DYSF: variants seen among roughly 807,000 people sequenced by gnomAD.
DYSF encodes the protein dysferlin, also known as dystrophy-associated fer-1-like 1.
Under a neutral mutation model 274.9 loss-of-function variants are expected in DYSF, and 212 were observed. That is an observed-to-expected ratio of 0.77 (90% CI 0.69 to 0.86). The LOEUF (loss-of-function observed/expected upper bound fraction) is 0.86. Among genes scored for constraint, DYSF ranks in the 40% least tolerant of loss-of-function variants. DYSF has a pLI of 0.00. For missense variants in DYSF, 2,666 were observed against 2,783.2 expected (o/e 0.96, Z 0.95); for synonymous variants, 1,091 against 1,078.7 (o/e 1.01, Z -0.22).
intron 41 of DYSF, among the ~76,000 whole-genome samples, chr2:71,630,984 C>G (rs1400522963): frequency 6.6e-6 from 1 of 152,238 alleles, no homozygotes; most frequent in Non-Finnish European, 1.5e-5. Context: ...TCTCCTTGCT[C>G]TCACCGACTA....
upstream of DYSF, among the ~76,000 whole-genome samples, chr2:71,463,039 G>A (rs889245207): frequency 1.2e-4 from 18 of 152,200 alleles, no homozygotes; most frequent in Admixed American, 5.2e-4. Context: ...GTTTCACTGA[G>A]GACCCACCCC....
intron 32 of DYSF, among the ~76,000 whole-genome samples, chr2:71,590,525 C>T (rs1398650668): frequency 9.2e-5 from 14 of 152,166 alleles, no homozygotes; most frequent in Non-Finnish European, 5.9e-5. Context: ...AGCCCCTTGG[C>T]CTTGGCTCTA....
chr2:71,665,651 C>G (rs1262078096), intron 47 of DYSF, among the ~76,000 whole-genome samples: 2 of 152,196 alleles, frequency 1.3e-5, no homozygotes, highest in Non-Finnish European at 1.5e-5. Flanking sequence ...TGGTCTGACT[C>G]TGGTTGGAGT....
intron 24 of DYSF, among the ~76,000 whole-genome samples, chr2:71,565,117 A>G (rs1007994377): frequency 4.1e-4 from 62 of 150,572 alleles, no homozygotes; most frequent in Non-Finnish European, 5.9e-4. Flanking sequence ...ATCTCATTCT[A>G]TTGCCCAGGC....
chr2:71,662,571 T>C (rs780829128), intron 45 of DYSF, among the ~76,000 whole-genome samples: 34 of 150,042 alleles, frequency 2.3e-4, no homozygotes, highest in Non-Finnish European at 4.6e-4. Flanking sequence ...GCATGTGTAT[T>C]TGTGTGTATA....
At chr2:71,550,365 G>A (rs946546361) in intron 17 of DYSF, among the ~76,000 whole-genome samples, 9 of 151,858 alleles carry the variant, frequency 5.9e-5, no homozygotes, top group Non-Finnish European at 1.2e-4. Flanking sequence ...TGTAATTCTC[G>A]AACTCTCCTC....
At chr2:71,510,495 T>A (rs550358662) in intron 4 of DYSF, among the ~76,000 whole-genome samples, 1 of 152,276 alleles carries the variant, frequency 6.6e-6, no homozygotes, top group African/African-American at 2.4e-5. Context: ...TCCTCCTGGG[T>A]CTCCTGGGAT....
chr2:71,685,027 C>T (rs1246151463), intron 55 of DYSF, among the ~76,000 whole-genome samples: 1 of 152,224 alleles, frequency 6.6e-6, no homozygotes, highest in Non-Finnish European at 1.5e-5. Flanking sequence ...CATGCCTAAG[C>T]CCAGCCCCTG....
At chr2:71,518,903 G>A (rs1334964887) in intron 10 of DYSF, among the ~76,000 whole-genome samples, 2 of 151,564 alleles carry the variant, frequency 1.3e-5, no homozygotes, top group East Asian at 3.9e-4. Flanking sequence ...GACCAGTCTG[G>A]CCAACATGGT....
chr2:71,574,308 C>A lies in DYSF; in HGVS notation c.3339C>A (p.Arg1113=). 1 of 1,614,140 alleles carries A rather than the reference C, an allele frequency of 6.2e-7. No homozygotes were observed. Among genetic ancestry groups the A allele is most frequent in the Non-Finnish European group, 8.5e-7 (1 of 1,180,022 alleles). The change falls in exon 30 of 56, where the codon CGC becomes CGA. Residue 1113 remains arginine (R), a synonymous_variant. Coordinates refer to ENST00000410020, the MANE Select transcript of DYSF (RefSeq NM_001130987.2). ...ATGCCTTCCGCCGCCGCCGCTGGCG[C>A]CGTCGCATGGAGCCACTGGAGAAGA... is the stretch of plus-strand genomic sequence containing the variant. The part of the protein sequence containing the change: ...KTDAFRRRRW[R]RRMEPLEKTG...
chr2:71,505,703 A>G, intron 4 of DYSF, among the ~76,000 whole-genome samples: 1 of 152,192 alleles, frequency 6.6e-6, no homozygotes, highest in East Asian at 1.9e-4. Flanking sequence ...CCTCCAGGCC[A>G]TGGGGATTTA....
At chr2:71,516,924 A>G in intron 9 of DYSF, 65 bp from the exon 10 acceptor site, 1 of 1,442,602 alleles carries the variant, frequency 6.9e-7, no homozygotes, top group South Asian at 1.1e-5. Context: ...GGGAAGAGCT[A>G]TTGGGTTGGC....
At chr2:71,549,396 G>GT (rs777305441) in intron 17 of DYSF, 1 of 1,611,600 alleles carries the variant, frequency 6.2e-7, no homozygotes, top group Non-Finnish European at 8.5e-7. Flanking sequence ...CAGACTGTAC[G>GT]TTGCTGTCAC....
intron 30 of DYSF, among the ~76,000 whole-genome samples, chr2:71,586,687 G>T (rs1164324326): frequency 2.0e-5 from 3 of 152,122 alleles, no homozygotes; most frequent in Non-Finnish European, 4.4e-5. Flanking sequence ...GCTGACAGGG[G>T]CCCAGTGAGG....
At chr2:71,630,560 G>A (rs2094296470) in intron 41 of DYSF, among the ~76,000 whole-genome samples, 1 of 152,216 alleles carries the variant, frequency 6.6e-6, no homozygotes, top group African/African-American at 2.4e-5. Flanking sequence ...GGCTAGATGT[G>A]TAAACTTACA....
In DYSF at chr2:71,471,692, G is replaced by C. The variant is rs757887231; in HGVS notation, c.91+4759G>C. On this transcript the variant is annotated intron_variant, in intron 1 of 55. Transcript: ENST00000410020. ...TTGCTGAAAAATAAACCAGGGGGCC[G>C]GGTGTGGTGGCTCACGCCTGTAATC... Among the ~76,000 whole-genome samples the C allele has an allele frequency of 5.3e-4, 81 of 152,200 alleles. 1 individual carries two copies. Among genetic ancestry groups the C allele is most frequent in the Non-Finnish European group, 8.5e-4 (58 of 68,018 alleles).
intron 16 of DYSF, 144 bp from the exon 17 acceptor site, chr2:71,539,013 A>G: frequency 2.7e-6 from 2 of 733,698 alleles, no homozygotes; most frequent in Admixed American, 2.0e-5. Context: ...AGGCCTCAGT[A>G]ACATACCAAA....
intron 17 of DYSF, among the ~76,000 whole-genome samples, chr2:71,548,729 C>A (rs1053272956): frequency 1.3e-5 from 2 of 152,182 alleles, no homozygotes; most frequent in African/African-American, 4.8e-5. Flanking sequence ...CTCTGTGATT[C>A]CCTGGAAGCG....
intron 41 of DYSF, among the ~76,000 whole-genome samples, chr2:71,630,556 A>T (rs2094296335): frequency 6.6e-6 from 1 of 152,170 alleles, no homozygotes; most frequent in South Asian, 2.1e-4. Flanking sequence ...TCACGGCTAG[A>T]TGTGTAAACT....
Sources: allele counts gnomAD v4.1 joint callset (sites outside exome capture counted in the v4.1 genomes callset), GRCh38; gene constraint gnomAD v4.1.1; transcripts MANE v1.5; gene names NCBI Gene and HGNC (gene_info 2026-07-23, HGNC 2026-07-21).